Variants in IL1RAPL1 observed in about 807,000 individuals in gnomAD.
IL1RAPL1 encodes the protein interleukin 1 receptor accessory protein like 1.
IL1RAPL1 carries 3 observed loss-of-function variants against 48.4 expected under a neutral mutation model. The observed-to-expected ratio is 0.06, with a 90% CI of 0.03 to 0.16. The LOEUF is 0.16. IL1RAPL1 is among the 10% of genes least tolerant of loss of function. The pLI is 1.00. For missense variants in IL1RAPL1, 349 were observed against 530.6 expected (o/e 0.66, Z 3.36); for synonymous variants, 185 against 187.7 (o/e 0.99, Z 0.12).
At chrX:29,040,719 G>A (rs1926828620) in intron 2 of IL1RAPL1, among the ~76,000 whole-genome samples, 1 of 112,254 alleles carries the variant, frequency 8.9e-6, no homozygotes, top group Non-Finnish European at 1.9e-5. Flanking sequence ...CACGCTTTAT[G>A]GTGTAGGTTT....
chrX:29,285,221 T>C (rs1348142675), intron 3 of IL1RAPL1, among the ~76,000 whole-genome samples: 1 of 110,764 alleles, frequency 9.0e-6, no homozygotes, highest in Non-Finnish European at 1.9e-5. Context: ...TCCAATACTC[T>C]GAGAAACTGC....
At chrX:29,103,411 A>G (rs774055444) in intron 2 of IL1RAPL1, among the ~76,000 whole-genome samples, 35 of 112,150 alleles carry the variant, frequency 3.1e-4, no homozygotes, top group Non-Finnish European at 6.0e-4. Flanking sequence ...GGCAAACTGG[A>G]TATCCATATG....
chrX:28,597,954 G>A (rs904081743), intron 1 of IL1RAPL1, among the ~76,000 whole-genome samples: 2 of 110,762 alleles, frequency 1.8e-5, no homozygotes, highest in Non-Finnish European at 3.8e-5. Flanking sequence ...ACTGGATAAT[G>A]TTTAAAGTTT....
chrX:29,025,178 G>T (rs1363335884), intron 2 of IL1RAPL1, among the ~76,000 whole-genome samples: 1 of 112,280 alleles, frequency 8.9e-6, no homozygotes, highest in East Asian at 2.8e-4. Flanking sequence ...TGCATTGCAT[G>T]TATATAATAT....
intron 2 of IL1RAPL1, among the ~76,000 whole-genome samples, chrX:28,951,269 T>TA (rs778083709): frequency 0.015 from 1,642 of 107,790 alleles, 29 homozygotes; most frequent in African/African-American, 0.053. Flanking sequence ...ACTTAAAGTA[T>TA]AAAAAAAAAT....
chrX:29,604,451 T>C (rs1923824095), intron 5 of IL1RAPL1, among the ~76,000 whole-genome samples: 1 of 111,666 alleles, frequency 9.0e-6, no homozygotes, highest in South Asian at 3.7e-4. Context: ...ATTTATTTAT[T>C]TTTTTGAGAG....
chrX:29,162,397 ATC>A (rs1270037289), intron 2 of IL1RAPL1, among the ~76,000 whole-genome samples: 1 of 110,589 alleles, frequency 9.0e-6, no homozygotes, highest in Non-Finnish European at 1.9e-5. Flanking sequence ...ATAAATAAAT[ATC>A]TGTTTAATTT....
intron 5 of IL1RAPL1, among the ~76,000 whole-genome samples, chrX:29,620,224 C>T (rs1001447840): frequency 1.2e-4 from 13 of 111,970 alleles, no homozygotes; most frequent in African/African-American, 4.2e-4. Flanking sequence ...AGACAATAGT[C>T]TATACAGTTA....
chrX:29,327,216 A>G (rs1301623150), intron 3 of IL1RAPL1, among the ~76,000 whole-genome samples: 3 of 111,241 alleles, frequency 2.7e-5, no homozygotes, highest in Admixed American at 1.9e-4. Flanking sequence ...TTTCCCTTCT[A>G]TTGTATTTCA....
At chrX:29,323,483 T>C (rs1932817214) in intron 3 of IL1RAPL1, among the ~76,000 whole-genome samples, 1 of 104,963 alleles carries the variant, frequency 9.5e-6, no homozygotes, top group South Asian at 4.3e-4. Context: ...TTCTCTGTTT[T>C]CTTTCCTTTG....
intron 2 of IL1RAPL1, among the ~76,000 whole-genome samples, chrX:28,836,336 T>TTATATATATATATATATATATATATATA (rs34343530): frequency 1.9e-4 from 16 of 85,301 alleles, no homozygotes; most frequent in African/African-American, 5.6e-4. Flanking sequence ...CTTCCCAATT[T>TTATATATATATATATATATATATATATA]TATATATATA....
intron 2 of IL1RAPL1, among the ~76,000 whole-genome samples, chrX:29,006,647 A>ATGTGTGTGTGTGTGTG (rs547186942): frequency 2.7e-4 from 21 of 76,929 alleles, no homozygotes; most frequent in African/African-American, 9.4e-4. Context: ...GTTTATATAT[A>ATGTGTGTGTGTGTGTG]TGTGTGTGTG....
At position 29,224,341 on chromosome X, in the gene IL1RAPL1, A is replaced by G. The variant is rs1231837974; in HGVS notation, c.83-58597A>G. ...CGGCTCCAAGCATTTATTTTAGCCTATGTGTACAAACATTCAGACTGGCTA... is the reference window on the plus strand; with the variant it reads ...CGGCTCCAAGCATTTATTTTAGCCTGTGTGTACAAACATTCAGACTGGCTA... On this transcript the variant is annotated intron_variant, in intron 2 of 10. Transcript: ENST00000378993. 3.6e-5 allele frequency among the ~76,000 whole-genome samples: 4 copies of G among 111,200 alleles called. No individual in the cohort carries two copies. In the East Asian group the frequency reaches 1.1e-3, roughly 31 times the overall value.
rs189641305 is a variant in IL1RAPL1 at position 28,671,063 on chromosome X, C to A, written c.-25+83016C>A. Among the ~76,000 whole-genome samples the A allele has an allele frequency of 1.3e-3, 150 of 111,893 alleles. 1 individual carries two copies. Among genetic ancestry groups the A allele is most frequent in the Non-Finnish European group, 2.5e-3 (131 of 53,091 alleles). ...GTTATATTCTTTTTCTCAAGTCTTT[C>A]AAAAGGACTAATTTAAAAACCAGAA... On this transcript the variant is annotated intron_variant, in intron 1 of 10. Transcript: ENST00000378993.
chrX:29,270,059 A>G (rs1277329421), intron 2 of IL1RAPL1, among the ~76,000 whole-genome samples: 3 of 111,707 alleles, frequency 2.7e-5, no homozygotes, highest in Admixed American at 9.5e-5. Flanking sequence ...TGGTGTAATT[A>G]TTTTGAGATT....
chrX:28,980,035 A>G (rs1228053706), intron 2 of IL1RAPL1, among the ~76,000 whole-genome samples: 1 of 112,280 alleles, frequency 8.9e-6, no homozygotes, highest in Non-Finnish European at 1.9e-5. Flanking sequence ...TCATCTTTCT[A>G]TGACTGAGAT....
chrX:29,478,833 G>C (rs1367324420), intron 5 of IL1RAPL1, among the ~76,000 whole-genome samples: 1 of 110,319 alleles, frequency 9.1e-6, no homozygotes, highest in Non-Finnish European at 1.9e-5. Flanking sequence ...CCCCGTCTCA[G>C]GTCACCGCCT....
chrX:28,638,625 A>T (rs1279273620), intron 1 of IL1RAPL1, among the ~76,000 whole-genome samples: 1 of 109,342 alleles, frequency 9.1e-6, no homozygotes, highest in African/African-American at 3.3e-5. Flanking sequence ...GACCTACTAG[A>T]TAGTCAATAA....
intron 1 of IL1RAPL1, among the ~76,000 whole-genome samples, chrX:28,778,646 ATT>A (rs1019136658): frequency 1.8e-5 from 2 of 111,846 alleles, no homozygotes; most frequent in Non-Finnish European, 3.8e-5. Context: ...TGCACTTTCC[ATT>A]TTAGCTAGTC....
Sources: allele counts gnomAD v4.1 joint callset (sites outside exome capture counted in the v4.1 genomes callset), GRCh38; gene constraint gnomAD v4.1.1; transcripts MANE v1.5; gene names NCBI Gene and HGNC (gene_info 2026-07-23, HGNC 2026-07-21).